The following WASHC4 variants were observed in gnomAD, a reference collection of about 807,000 sequenced individuals.
WASHC4 encodes the protein WASH complex subunit 7.
Under a neutral mutation model 166.6 loss-of-function variants are expected in WASHC4, and 86 were observed. That is an observed-to-expected ratio of 0.52 (90% CI 0.43 to 0.62). The LOEUF (loss-of-function observed/expected upper bound fraction) is 0.62. Among genes scored for constraint, WASHC4 ranks in the 20% least tolerant of loss-of-function variants. WASHC4 has a pLI of 0.00. For synonymous variants in WASHC4, 446 were observed against 451.6 expected, an observed-to-expected ratio of 0.99 and a Z score of 0.16; for missense variants, 1,262 against 1,382.4, an observed-to-expected ratio of 0.91 and a Z score of 1.38.
intron 26 of WASHC4, among the ~76,000 whole-genome samples, chr12:105,154,767 G>A (rs960572758): frequency 6.6e-6 from 1 of 152,156 alleles, no homozygotes; most frequent in Non-Finnish European, 1.5e-5. Flanking sequence ...AACCCAGGTG[G>A]CCTGGCTTCA....
At position 105,152,470 on chromosome 12, in the gene WASHC4, G is replaced by A; in HGVS notation, c.2758+19G>A. The A allele has an allele frequency of 7.4e-7, 1 of 1,343,324 alleles. No individual in the cohort carries two copies. Among genetic ancestry groups the A allele is most frequent in the Non-Finnish European group, 1.1e-6 (1 of 933,756 alleles). 83.2% of individuals were successfully genotyped at this position (1,343,324 alleles called of 1,614,324 possible). A position where few individuals can be genotyped will look rare whatever the true frequency, so the allele number is the denominator to read the frequency against. ...CAGATTGGTAAGTTATGATAAAAGT[G>A]TTGGGAAATCAGGTACAGATCCCTA... On this transcript the variant is annotated intron_variant, in intron 26 of 32. Transcript: ENST00000332180.
At chr12:105,118,623 A>G (rs1880416058) in intron 7 of WASHC4, 95 bp downstream of exon 7, 2 of 792,152 alleles carry the variant, frequency 2.5e-6, no homozygotes, top group South Asian at 1.4e-5. Flanking sequence ...TCTTTCATTC[A>G]GCATTCTTTG....
intron 6 of WASHC4, 24 bp downstream of exon 6, chr12:105,115,752 G>A (rs765046693): frequency 2.7e-6 from 4 of 1,470,800 alleles, no homozygotes; most frequent in Admixed American, 3.3e-5. Context: ...ACTTTCTACT[G>A]AGCTTTTACT....
intron 6 of WASHC4, among the ~76,000 whole-genome samples, chr12:105,117,914 C>T (rs535048342): frequency 6.6e-6 from 1 of 152,150 alleles, no homozygotes; most frequent in Non-Finnish European, 1.5e-5. Context: ...ATAAGTGATA[C>T]GACATTTCAC....
At position 105,133,665 on chromosome 12, in the gene WASHC4, A is replaced by G. The variant is rs539513851; in HGVS notation, c.1200-105A>G. 28 of 977,538 alleles carry G rather than the reference A, an allele frequency of 2.9e-5. 1 individual carries two copies. In the South Asian group the frequency reaches 3.3e-4, roughly 12 times the overall value. The allele number at this position is 977,538 out of a possible 1,614,324, so 60.6% of individuals were successfully genotyped here. ...ATGTAATATTTATCTTTTGAAAACC[A>G]GAAAGATGAAATGACTGCTGCAGGG... On this transcript the variant is annotated intron_variant, in intron 13 of 32. Transcript: ENST00000332180.
In WASHC4 at chr12:105,164,309, T is replaced by TAG. The variant is rs760998857; in HGVS notation, c.3354+7_3354+8dup. The TAG allele has an allele frequency of 6.2e-7, 1 of 1,612,406 alleles. No homozygotes were observed. The highest frequency in any genetic ancestry group is 1.1e-5 in the South Asian group (1 of 91,044). The stretch of plus-strand genomic sequence containing the variant: ...AAGCGACTGGATGTCTATCTACAGG[T>TAG]AGAGAGGAGCCTAAGAGTCACATCT... On this transcript the variant is annotated splice_region_variant and intron_variant, in intron 31 of 32. Coordinates refer to ENST00000332180, the MANE Select transcript of WASHC4 (RefSeq NM_015275.3).
At chr12:105,148,855 A>G (rs1883514762) in intron 24 of WASHC4, 2 of 985,164 alleles carry the variant, frequency 2.0e-6, no homozygotes, top group East Asian at 1.1e-4. Flanking sequence ...ATCTTTTGCT[A>G]TTTCCATCTG....
chr12:105,115,787 A>C, intron 6 of WASHC4, 59 bp downstream of exon 6: 1 of 1,068,658 alleles, frequency 9.4e-7, no homozygotes, highest in Non-Finnish European at 1.5e-6. Context: ...TAAATTACAC[A>C]ACACGTAAAA....
At chr12:105,154,462 A>G (rs1379776693) in intron 26 of WASHC4, among the ~76,000 whole-genome samples, 1 of 152,216 alleles carries the variant, frequency 6.6e-6, no homozygotes, top group African/African-American at 2.4e-5. Context: ...CTGCTGAAAT[A>G]ATAATAATTA....
chr12:105,118,355 G>T, intron 6 of WASHC4, 91 bp from the exon 7 acceptor site: 2 of 935,052 alleles, frequency 2.1e-6, no homozygotes, highest in South Asian at 2.7e-5. Context: ...AAACTGTTTT[G>T]TTTTTGTTAG....
intron 24 of WASHC4, 184 bp from the exon 25 acceptor site, chr12:105,149,431 T>C: frequency 9.3e-7 from 1 of 1,080,932 alleles, no homozygotes. Context: ...ATAGAAAGTT[T>C]TGTGAACTTC....
chr12:105,158,959 A>G (rs1053897224), intron 28 of WASHC4, among the ~76,000 whole-genome samples: 1 of 152,244 alleles, frequency 6.6e-6, no homozygotes, highest in Non-Finnish European at 1.5e-5. Flanking sequence ...ATAAAAAAGT[A>G]TATGGGAAAA....
At chr12:105,124,609 T>G (rs942269354) in intron 10 of WASHC4, among the ~76,000 whole-genome samples, 1 of 151,906 alleles carries the variant, frequency 6.6e-6, no homozygotes, top group Non-Finnish European at 1.5e-5. Flanking sequence ...GCCTCCCGAG[T>G]AGCTGGGATT....
At chr12:105,115,854 A>G in intron 6 of WASHC4, 126 bp downstream of exon 6, 2 of 712,946 alleles carry the variant, frequency 2.8e-6, no homozygotes, top group East Asian at 5.2e-5. Flanking sequence ...ACACTTAATT[A>G]GCATTGGATT....
chr12:105,139,321 T>A (rs2135786460), intron 15 of WASHC4, among the ~76,000 whole-genome samples: 1 of 151,446 alleles, frequency 6.6e-6, no homozygotes, highest in South Asian at 2.1e-4. Context: ...TTGTAAGGAA[T>A]TATATACCTA....
At chr12:105,144,954 C>A in intron 22 of WASHC4, 82 bp downstream of exon 22, 1 of 1,360,926 alleles carries the variant, frequency 7.3e-7, no homozygotes, top group Non-Finnish European at 1.0e-6. Context: ...TTTCTTTTTG[C>A]TTTAGTTAGT....
At chr12:105,163,534 C>G (rs949984019) in intron 30 of WASHC4, among the ~76,000 whole-genome samples, 2 of 152,036 alleles carry the variant, frequency 1.3e-5, no homozygotes, top group Non-Finnish European at 2.9e-5. Context: ...CAGGGTCTTG[C>G]TCTGTCACCC....
chr12:105,150,059 C>T (rs1883614722), intron 25 of WASHC4, among the ~76,000 whole-genome samples: 2 of 152,230 alleles, frequency 1.3e-5, no homozygotes, highest in South Asian at 4.1e-4. Flanking sequence ...TTTCTGGAGG[C>T]AGTTGCTAAC....
intron 10 of WASHC4, among the ~76,000 whole-genome samples, chr12:105,124,626 G>A (rs1374763667): frequency 1.3e-5 from 2 of 151,754 alleles, no homozygotes; most frequent in African/African-American, 4.8e-5. Flanking sequence ...GATTACAGGC[G>A]TCCACCACTG....
Sources: gnomAD v4.1 joint callset for allele counts (sites outside exome capture counted in the v4.1 genomes callset) on GRCh38, gnomAD v4.1.1 for gene constraint, MANE v1.5 for transcripts, NCBI Gene and HGNC (gene_info 2026-07-23, HGNC 2026-07-21) for gene names.